The following ATP11A variants were observed in gnomAD, a reference collection of about 807,000 sequenced individuals.
ATP11A encodes the protein phospholipid-transporting ATPase IH.
In ATP11A, 81 loss-of-function variants were observed where a neutral mutation model predicts 154.4. The observed-to-expected ratio is 0.52, with a 90% CI of 0.44 to 0.63. ATP11A has a LOEUF of 0.63. ATP11A is among the 30% of genes least tolerant of loss of function. The pLI is 0.00. For missense variants in ATP11A, 1,316 were observed against 1,474.3 expected (o/e 0.89, Z 1.76); for synonymous variants, 623 against 585.9 (o/e 1.06, Z -0.91).
Position 112,785,602 on chromosome 13 carries a change from C to T in ATP11A, c.162+345C>T, listed in dbSNP as rs1221734591. On this transcript the variant is annotated intron_variant, in intron 2 of 29. Transcript: ENST00000375645. This position sits in a 1 kb window ranked among gnomAD's most constrained non-coding sequence, Gnocchi z 4.8. ...GGCCACGTGCTTGTCGTGGGCCACC[C>T]TGGCCAGAGTCTCAGTGCCAGTAAG... is the stretch of plus-strand genomic sequence containing the variant. Among the ~76,000 whole-genome samples, 1 of 152,128 alleles carries T rather than the reference C, an allele frequency of 6.6e-6. No individual in the cohort carries two copies. The highest frequency in any genetic ancestry group is 1.5e-5 in the Non-Finnish European group (1 of 68,026).
intron 29 of ATP11A, among the ~76,000 whole-genome samples, chr13:112,880,023 G>T (rs893874048): frequency 6.6e-6 from 1 of 152,162 alleles, no homozygotes. Context: ...CCATTCAGAC[G>T]TGCAATTGTG....
At chr13:112,876,739 G>T (rs2080738564) in intron 28 of ATP11A, among the ~76,000 whole-genome samples, 1 of 152,264 alleles carries the variant, frequency 6.6e-6, no homozygotes, top group Non-Finnish European at 1.5e-5. Flanking sequence ...GGCTGCTCCT[G>T]CAGGGTGTGA....
intron 1 of ATP11A, among the ~76,000 whole-genome samples, chr13:112,777,014 C>T (rs1006836713): frequency 6.6e-6 from 1 of 152,216 alleles, no homozygotes; most frequent in East Asian, 1.9e-4. Flanking sequence ...AGCGTCTTGC[C>T]CCTTGAGCCT....
Position 112,746,502 on chromosome 13 carries a change from G to T in ATP11A, c.40-38633G>T, listed in dbSNP as rs1892172559. Reference sequence around the variant, plus strand: ...GCACTTGGCACTGTCTAGTGTTTTGGTAGCAGCCATCCTGCTCCGTGTAGG... The same window carrying T: ...GCACTTGGCACTGTCTAGTGTTTTGTTAGCAGCCATCCTGCTCCGTGTAGG... On this transcript the variant is annotated intron_variant, in intron 1 of 29. Coordinates refer to ENST00000375645, the MANE Select transcript of ATP11A (RefSeq NM_015205.3). The surrounding 1 kb of genome is among the most constrained non-coding windows in gnomAD (Gnocchi z 4.1). 1 of 152,170 alleles carries T rather than the reference G, an allele frequency of 6.6e-6. No individual in the cohort carries two copies. The highest frequency in any genetic ancestry group is 1.5e-5 in the Non-Finnish European group (1 of 68,048). The allele number at this position is 152,170 out of a possible 1,614,324, so 9.4% of individuals were successfully genotyped here.
chr13:112,820,445 C>T (rs2078768388), intron 8 of ATP11A, among the ~76,000 whole-genome samples: 1 of 152,190 alleles, frequency 6.6e-6, no homozygotes, highest in African/African-American at 2.4e-5. Context: ...AATCGGTAGC[C>T]GGGGCAAGGC....
intron 1 of ATP11A, among the ~76,000 whole-genome samples, chr13:112,776,154 G>C (rs548202815): frequency 6.6e-6 from 1 of 152,332 alleles, no homozygotes; most frequent in Non-Finnish European, 1.5e-5. Flanking sequence ...GTTGACATCT[G>C]TTACTCGTCC....
At chr13:112,816,320 A>T (rs2140183946) in intron 6 of ATP11A, 109 bp downstream of exon 6, 1 of 1,446,506 alleles carries the variant, frequency 6.9e-7, no homozygotes, top group East Asian at 2.4e-5. Context: ...CACCGTTTTC[A>T]TGTAACCCAG....
Position 112,854,617 on chromosome 13 carries a change from G to A in ATP11A, c.2243+87G>A, listed in dbSNP as rs750988240. 118 of 1,456,566 alleles carry A rather than the reference G, an allele frequency of 8.1e-5. 1 individual carries two copies. Among genetic ancestry groups the A allele is most frequent in the Non-Finnish European group, 9.6e-5 (104 of 1,086,448 alleles). 90.2% of individuals were successfully genotyped at this position (1,456,566 alleles called of 1,614,324 possible). On this transcript the variant is annotated intron_variant, in intron 19 of 29. Transcript: ENST00000375645. Reference sequence around the variant, plus strand: ...GCCTTCACCTGCAAGTCGGGGAGCCGCATTGTCTCTACTGGGAATTCGGTT... The same window carrying A: ...GCCTTCACCTGCAAGTCGGGGAGCCACATTGTCTCTACTGGGAATTCGGTT...
chr13:112,758,532 T>C (rs1000247833), intron 1 of ATP11A, among the ~76,000 whole-genome samples: 6 of 151,982 alleles, frequency 3.9e-5, no homozygotes, highest in Non-Finnish European at 8.8e-5. Context: ...CACGACATTC[T>C]CCTGCCTCAG....
intron 1 of ATP11A, among the ~76,000 whole-genome samples, chr13:112,774,855 CAT>C (rs751083696): frequency 4.6e-5 from 7 of 152,274 alleles, no homozygotes; most frequent in Admixed American, 3.3e-4. Flanking sequence ...AAGCAACACA[CAT>C]GTCTACCGGC....
chr13:112,712,879 C>T (rs1442006985), intron 1 of ATP11A, among the ~76,000 whole-genome samples: 1 of 152,172 alleles, frequency 6.6e-6, no homozygotes, highest in Admixed American at 6.5e-5. Flanking sequence ...GAACACAAAG[C>T]GTATGAAAGT....
intron 5 of ATP11A, among the ~76,000 whole-genome samples, chr13:112,815,094 C>A (rs2078606269): frequency 6.6e-6 from 1 of 152,220 alleles, no homozygotes; most frequent in Non-Finnish European, 1.5e-5. Flanking sequence ...CTGGCTGGAG[C>A]CCTGCAGTGA....
intron 12 of ATP11A, among the ~76,000 whole-genome samples, chr13:112,827,236 G>C (rs1331964823): frequency 2.6e-5 from 4 of 152,152 alleles, no homozygotes; most frequent in Non-Finnish European, 4.4e-5. Flanking sequence ...TGGCGAGCTG[G>C]GTATTTTCAC....
rs1885811885 is a variant in ATP11A, at chr13:112,696,425, G to A, written c.39+5970G>A. On this transcript the variant is annotated intron_variant, in intron 1 of 29. Coordinates refer to ENST00000375645, the MANE Select transcript of ATP11A (RefSeq NM_015205.3). The surrounding 1 kb of genome is among the most constrained non-coding windows in gnomAD (Gnocchi z 6.2). ...CGCCCAGCAGCCTTTCTGCCTCTGC[G>A]CTTGCCTCCTCCGGTTGGAGCGAGT... is the stretch of plus-strand genomic sequence containing the variant. Among the ~76,000 whole-genome samples the A allele has an allele frequency of 6.6e-6, 1 of 152,026 alleles. No individual in the cohort carries two copies. Among genetic ancestry groups the A allele is most frequent in the Non-Finnish European group, 1.5e-5 (1 of 68,010 alleles).
chr13:112,720,820 T>C (rs1889080390), intron 1 of ATP11A, among the ~76,000 whole-genome samples: 1 of 152,164 alleles, frequency 6.6e-6, no homozygotes, highest in African/African-American at 2.4e-5. Context: ...CCTCTCAAAG[T>C]GCTGAGATTA....
intron 8 of ATP11A, among the ~76,000 whole-genome samples, chr13:112,821,254 G>C (rs1483058283): frequency 6.6e-6 from 1 of 152,286 alleles, no homozygotes; most frequent in South Asian, 2.1e-4. Flanking sequence ...AACTTGGGAC[G>C]ATAATTGCTA....
At chr13:112,784,745 C>A (rs2077580697) in intron 1 of ATP11A, among the ~76,000 whole-genome samples, 1 of 152,110 alleles carries the variant, frequency 6.6e-6, no homozygotes, top group Non-Finnish European at 1.5e-5. Flanking sequence ...GGATGGTCTC[C>A]ATCTCCTGAC....
Position 112,859,181 on chromosome 13 carries a change from C to G in ATP11A, c.2668-212C>G, listed in dbSNP as rs144828864. On this transcript the variant is annotated intron_variant, in intron 22 of 29. Transcript: ENST00000375645. This position sits in a 1 kb window ranked among gnomAD's most constrained non-coding sequence, Gnocchi z 4.3. ...TTGGAGCTGACAAATTTCCTCTATA[C>G]GTTGTCTGTCCTGAGTGGCCAAAAC... The G allele has an allele frequency of 5.3e-6, 3 of 569,828 alleles. No individual in the cohort carries two copies. The highest frequency in any genetic ancestry group is 9.5e-6 in the Non-Finnish European group (3 of 315,998). The allele number at this position is 569,828 out of a possible 1,614,324, so 35.3% of individuals were successfully genotyped here.
intron 1 of ATP11A, among the ~76,000 whole-genome samples, chr13:112,756,434 G>A (rs2076835082): frequency 6.6e-6 from 1 of 152,186 alleles, no homozygotes; most frequent in Non-Finnish European, 1.5e-5. Context: ...TCCAGGAGAG[G>A]CACCTGTATC....
Sources: gnomAD v4.1 joint callset for allele counts (sites outside exome capture counted in the v4.1 genomes callset) on GRCh38, gnomAD v4.1.1 for gene constraint, Gnocchi (gnomAD v3.1) non-coding constraint, MANE v1.5 for transcripts, NCBI Gene and HGNC (gene_info 2026-07-23, HGNC 2026-07-21) for gene names.